Variants in NOS1 observed in about 807,000 individuals in gnomAD.
NOS1 encodes nitric oxide synthase 1, also known as NOS type I.
A neutral mutation model predicts 164.5 loss-of-function variants in NOS1; 51 were observed. That is an observed-to-expected ratio of 0.31 (90% confidence interval 0.25 to 0.39). The LOEUF (loss-of-function observed/expected upper bound fraction) is 0.39, where lower values mean the gene tolerates loss of function less well. Ranked by LOEUF, NOS1 falls within the 10% of genes least tolerant of loss-of-function variation. NOS1 has a pLI of 1.00. For synonymous variants in NOS1, 719 were observed against 745.8 expected (o/e 0.96, Z 0.59); for missense variants, 1,362 against 1,885.6 (o/e 0.72, Z 5.14).
At position 117,209,557 on chromosome 12, in the gene NOS1, G is replaced by A; in HGVS notation, c.*5752C>T. The A allele has an allele frequency of 1.0e-6, 1 of 985,484 alleles. No individual in the cohort carries two copies. The highest frequency in any genetic ancestry group is 1.2e-6 in the Non-Finnish European group (1 of 829,966). The allele number at this position is 985,484 out of a possible 1,614,324, so 61.0% of individuals were successfully genotyped here. The stretch of plus-strand genomic sequence containing the variant: ...TCTCGTTAATAACGGACTGTGTTTT[G>A]GGCCAGACGGGCATAGCCCCGCTTG... On this transcript the variant is annotated 3_prime_UTR_variant, in exon 29 of 29. Transcript: ENST00000317775.
chr12:117,311,555 C>G lies in NOS1; in HGVS notation c.763G>C (p.Gly255Arg). The change falls in exon 3 of 29, where the codon GGC (glycine) becomes CGC (arginine). Residue 255 changes from glycine (G) to arginine (R), a missense_variant. Transcript: ENST00000317775. ...DGKSHKPLPL[G>R]VENDRVFNDL... is the part of the protein sequence containing the mutation. ...TTGAAGACTCGGTCGTTCTCCACGC[C>G]GAGGGGCAGAGGTTTGTGTGACTTG... is the stretch of plus-strand genomic sequence containing the variant. The G allele has an allele frequency of 1.2e-6, 2 of 1,612,926 alleles. No homozygotes were observed. Among genetic ancestry groups the G allele is most frequent in the Non-Finnish European group, 8.5e-7 (1 of 1,179,502 alleles).
rs372299035 is a variant in NOS1, at chr12:117,330,550, G to C, written c.520C>G (p.His174Asp). The C allele has an allele frequency of 1.2e-5, 19 of 1,613,570 alleles. No homozygotes were observed. Among genetic ancestry groups the C allele is most frequent in the Admixed American group, 6.7e-5 (4 of 60,002 alleles). Reference protein sequence around the residue: ...DDGQEAGSLPHANGLAPRPPG... With the variant: ...DDGQEAGSLPDANGLAPRPPG... ...GGCCTGGGGGCCAGGCCGTTGGCAT[G>C]GGGGAGTGAGCCAGCCTCCTGCCCA... Residue 174 changes from histidine to aspartate, a missense_variant, in exon 2 of 29, where the codon CAT becomes GAT. His to Asp is a moderately conservative substitution (Grantham distance 81). Transcript: ENST00000317775. This position sits in a 1 kb window ranked among gnomAD's most constrained non-coding sequence, Gnocchi z 4.6.
intron 3 of NOS1, among the ~76,000 whole-genome samples, chr12:117,294,451 GCC>G (rs1873281668): frequency 6.6e-6 from 1 of 152,160 alleles, no homozygotes; most frequent in East Asian, 1.9e-4. Context: ...TGCGAGCCGT[GCC>G]ACCCTCCGCC....
chr12:117,245,870 A>G (rs1422238095), intron 18 of NOS1: 1 of 152,408 alleles, frequency 6.6e-6, no homozygotes, highest in African/African-American at 2.4e-5. Context: ...GTGAGCCAAC[A>G]TTGTGTCACT....
At position 117,272,296 on chromosome 12, in the gene NOS1, C is replaced by T; in HGVS notation, c.1839+89G>A. 2 of 1,460,512 alleles carry T rather than the reference C, an allele frequency of 1.4e-6. No homozygotes were observed. Among genetic ancestry groups the T allele is most frequent in the Non-Finnish European group, 1.9e-6 (2 of 1,050,006 alleles). The allele number at this position is 1,460,512 out of a possible 1,614,324, so 90.5% of individuals were successfully genotyped here. On this transcript the variant is annotated intron_variant, in intron 10 of 28. Transcript: ENST00000317775. This position sits in a 1 kb window ranked among gnomAD's most constrained non-coding sequence, Gnocchi z 4.3. ...ATTCTAACCCCTTCAAGTTTCCAAG[C>T]CACCAAGCTCGCCGTGGGGAAGGGG...
chr12:117,338,995 A>G (rs1472147057), intron 1 of NOS1, among the ~76,000 whole-genome samples: 1 of 152,170 alleles, frequency 6.6e-6, no homozygotes, highest in African/African-American at 2.4e-5. Context: ...CAAACAAAAG[A>G]CTGAAAGCGT....
chr12:117,312,091 C>T (rs1299516648), intron 2 of NOS1, among the ~76,000 whole-genome samples: 1 of 151,980 alleles, frequency 6.6e-6, no homozygotes, highest in Non-Finnish European at 1.5e-5. Flanking sequence ...CGGCTTTGAA[C>T]AATAGCAGCT....
rs56322341 is a variant in NOS1, at chr12:117,340,873, A to ATTT, written c.-420-9387_-420-9385dup. Among the ~76,000 whole-genome samples the ATTT allele has an allele frequency of 2.7e-3, 281 of 104,452 alleles. 10 individuals carry two copies. Among genetic ancestry groups the ATTT allele is most frequent in the South Asian group, 0.012 (36 of 2,934 alleles). The allele number at this position is 104,452 out of a possible 152,430, so 68.5% of individuals were successfully genotyped here. A position where few individuals can be genotyped will look rare whatever the true frequency, so the allele number is the denominator to read the frequency against. On this transcript the variant is annotated intron_variant, in intron 1 of 28. Transcript: ENST00000317775. ...TGAGTAGCTGATATCACACCTGGCTATTTTTTTTTTTTTTTTTTTTTTTGT... is the reference window on the plus strand; with the variant it reads ...TGAGTAGCTGATATCACACCTGGCTATTTTTTTTTTTTTTTTTTTTTTTTTTGT...
chr12:117,276,883 T>C (rs1873228885), intron 9 of NOS1, among the ~76,000 whole-genome samples: 1 of 152,210 alleles, frequency 6.6e-6, no homozygotes, highest in Admixed American at 6.5e-5. Context: ...TATTCATCTG[T>C]TGATGGACAC....
In NOS1 at chr12:117,225,034, A is replaced by G; in HGVS notation, c.3808T>C (p.Phe1270Leu). 1 of 1,614,176 alleles carries G rather than the reference A, an allele frequency of 6.2e-7. No homozygotes were observed. Among genetic ancestry groups the G allele is most frequent in the Non-Finnish European group, 8.5e-7 (1 of 1,180,028 alleles). The change falls in exon 25 of 29, where the codon TTT becomes CTT. Residue 1270 changes from phenylalanine (F) to leucine (L), a missense_variant. This residue lies in a region of NOS1 where 737 missense variants were observed against 1,030.3 expected (regional missense o/e 0.72). Coordinates refer to ENST00000317775, the MANE Select transcript of NOS1 (RefSeq NM_000620.5). ...PFRSFWQQRQ[F>L]DIQHKGMNPC... Reference sequence around the variant, plus strand: ...AACCCACCTTTGTGTTGGATATCAAATTGCCGCTGTTGCCAGAAGCTTCGG... The same window carrying G: ...AACCCACCTTTGTGTTGGATATCAAGTTGCCGCTGTTGCCAGAAGCTTCGG...
chr12:117,322,017 C>A (rs550123224), intron 2 of NOS1, among the ~76,000 whole-genome samples: 1 of 51,338 alleles, frequency 1.9e-5, no homozygotes, highest in Non-Finnish European at 4.1e-5. Context: ...TCCTTCCCTC[C>A]CTCTCTCCTT....
At chr12:117,227,318 A>G in intron 23 of NOS1, 113 bp downstream of exon 23, 1 of 979,408 alleles carries the variant, frequency 1.0e-6, no homozygotes, top group Non-Finnish European at 1.5e-6. Context: ...CTTGGGGATG[A>G]GTTTCTTCCC....
Position 117,284,273 on chromosome 12 carries a change from T to C in NOS1, c.1382+968A>G, listed in dbSNP as rs537681044. Among the ~76,000 whole-genome samples the C allele has an allele frequency of 2.0e-5, 3 of 152,274 alleles. No homozygotes were observed. The South Asian group carries it at 6.2e-4, about 32-fold the overall frequency. ...CTGGGAACAGATGCCGTGGCAGCAG[T>C]GAGCGGGCAGAGTCAACAAGTGTAG... On this transcript the variant is annotated intron_variant, in intron 7 of 28. Coordinates refer to ENST00000317775, the MANE Select transcript of NOS1 (RefSeq NM_000620.5).
intron 15 of NOS1, 137 bp from the exon 16 acceptor site, chr12:117,258,592 G>A: frequency 1.2e-6 from 1 of 824,796 alleles, no homozygotes; most frequent in Non-Finnish European, 2.0e-6. Context: ...GCGGTCAGGG[G>A]CTCAGGCTGG....
At chr12:117,215,345 G>A (rs1033646732) in intron 28 of NOS1, 21 bp from the exon 29 acceptor site, 11 of 1,527,462 alleles carry the variant, frequency 7.2e-6, no homozygotes, top group Non-Finnish European at 9.7e-6. Context: ...AGAAGTTGGG[G>A]GGCAGTTAGT....
chr12:117,247,351 G>A lies in NOS1; in HGVS notation c.2820C>T (p.Phe940=), dbSNP rs76112078. 1.3e-6 allele frequency: 2 copies of A among 1,597,860 alleles called. No homozygotes were observed. The highest frequency in any genetic ancestry group is 1.3e-5 in the African/African-American group (1 of 74,304). ...AGGTCCATGAGATCCAGATTACCTT[G>A]AAGACCTTCTTGGCCCAGGTCCTGA... The part of the protein sequence containing the change: ...EAFRTWAKKV[F]KAACDVFCVG... Residue 940 remains phenylalanine (F), a synonymous_variant, in exon 18 of 29, where the codon TTC becomes TTT. Coordinates refer to ENST00000317775, the MANE Select transcript of NOS1 (RefSeq NM_000620.5).
intron 2 of NOS1, among the ~76,000 whole-genome samples, chr12:117,326,895 G>A (rs950668027): frequency 9.9e-5 from 15 of 152,168 alleles, no homozygotes; most frequent in Non-Finnish European, 1.6e-4. Context: ...ACCAATCCTC[G>A]TGTCCCAGAC....
rs1241496146 is a variant in NOS1, at chr12:117,356,697, C to T, written c.-421+4815G>A. 1.3e-5 allele frequency among the ~76,000 whole-genome samples: 2 copies of T among 152,220 alleles called. No homozygotes were observed. The highest frequency in any genetic ancestry group is 2.4e-5 in the African/African-American group (1 of 41,454). On this transcript the variant is annotated intron_variant, in intron 1 of 28. Transcript: ENST00000317775. This position sits in a 1 kb window ranked among gnomAD's most constrained non-coding sequence, Gnocchi z 4.2. ...ACTGCTGTTCATCCTTAGCATCATA[C>T]GACTGTGCCAAGACCCATGTCCACT...
chr12:117,317,079 C>A (rs1238394592), intron 2 of NOS1, among the ~76,000 whole-genome samples: 1 of 152,036 alleles, frequency 6.6e-6, no homozygotes, highest in Admixed American at 6.6e-5. Flanking sequence ...CAGGGTTTCA[C>A]CATGTTGGCC....
Sources: gnomAD v4.1 joint callset for allele counts (sites outside exome capture counted in the v4.1 genomes callset) on GRCh38, gnomAD v4.1.1 for gene constraint, gnomAD v4.1.1 regional missense constraint, Gnocchi (gnomAD v3.1) non-coding constraint, MANE v1.5 for transcripts, NCBI Gene and HGNC (gene_info 2026-07-23, HGNC 2026-07-21) for gene names.